Variants in SLC25A13 observed in about 807,000 individuals in gnomAD.
The protein encoded by SLC25A13 is solute carrier family 25 member 13, also known as electrogenic aspartate/glutamate antiporter SLC25A13, mitochondrial.
A neutral mutation model predicts 85.5 loss-of-function variants in SLC25A13; 70 were observed. The ratio of observed to expected loss-of-function variants is 0.82; its 90% CI spans 0.68 to 1.00. The LOEUF (loss-of-function observed/expected upper bound fraction) is 1.00, where lower values mean the gene tolerates loss of function less well. Ranked by LOEUF, SLC25A13 falls within the 50% of genes least tolerant of loss-of-function variation. The pLI is 0.00. For synonymous variants in SLC25A13, 259 were observed against 288.7 expected (o/e 0.90, Z 1.04); for missense variants, 765 against 819.8 (o/e 0.93, Z 0.82).
In SLC25A13 at chr7:96,167,978, T is replaced by C. The variant is rs143232080; in HGVS notation, c.1311+2067A>G. On this transcript the variant is annotated intron_variant, in intron 13 of 17. Transcript: ENST00000265631. ...AGCTGGACATGGTGGTGTGTGCCTG[T>C]AGTCCCAGCTACTCGGGAGGCTGAG... 6.8e-3 allele frequency among the ~76,000 whole-genome samples: 1,037 copies of C among 151,572 alleles called. 7 individuals are homozygous for C. The highest frequency in any genetic ancestry group is 0.012 in the Non-Finnish European group (801 of 67,822).
At chr7:96,311,759 C>A (rs1237048627) in intron 1 of SLC25A13, among the ~76,000 whole-genome samples, 1 of 152,098 alleles carries the variant, frequency 6.6e-6, no homozygotes, top group Non-Finnish European at 1.5e-5. Context: ...ATATATATAT[C>A]TGCCCACCAA....
At chr7:96,202,631 C>G (rs565689471) in intron 5 of SLC25A13, among the ~76,000 whole-genome samples, 1 of 152,206 alleles carries the variant, frequency 6.6e-6, no homozygotes, top group African/African-American at 2.4e-5. Context: ...ACATAAAGTG[C>G]AGAACAAAAT....
intron 15 of SLC25A13, among the ~76,000 whole-genome samples, chr7:96,123,603 TA>T (rs1256426906): frequency 1.3e-5 from 2 of 152,174 alleles, no homozygotes; most frequent in African/African-American, 4.8e-5. Context: ...TGGCGAATGC[TA>T]GAATATGGCA....
chr7:96,316,917 CT>C (rs1305587713), intron 1 of SLC25A13, among the ~76,000 whole-genome samples: 1 of 152,164 alleles, frequency 6.6e-6, no homozygotes, highest in Non-Finnish European at 1.5e-5. Context: ...TGGAGCCAGA[CT>C]GGCAGGATTT....
chr7:96,124,264 T>C (rs926655777), intron 15 of SLC25A13, among the ~76,000 whole-genome samples: 2 of 152,246 alleles, frequency 1.3e-5, no homozygotes, highest in African/African-American at 4.8e-5. Flanking sequence ...AAAGTGCTTT[T>C]CTTTTTATTG....
At chr7:96,196,689 AT>A (rs978410485) in intron 5 of SLC25A13, among the ~76,000 whole-genome samples, 49 of 152,238 alleles carry the variant, frequency 3.2e-4, no homozygotes, top group African/African-American at 8.7e-4. Context: ...GATTGGGGGC[AT>A]TATAAGTTCC....
Position 96,208,868 on chromosome 7 carries a change from C to T in SLC25A13, c.438G>A (p.Leu146=). The change falls in exon 5 of 18, where the codon CTG becomes CTA. Residue 146 remains leucine, a synonymous_variant. Coordinates refer to ENST00000265631, the MANE Select transcript of SLC25A13 (RefSeq NM_014251.3). ...AAAACTGAGTAAATTCCGCATATGT[C>T]AGGTGTCTTTTTCTTTCTTTTCCAA... ...LHFGKERKRH[L]TYAEFTQFLL... 6.2e-7 allele frequency: 1 copy of T among 1,614,070 alleles called. No individual in the cohort carries two copies. Among genetic ancestry groups the T allele is most frequent in the Middle Eastern group, 1.6e-4 (1 of 6,062 alleles).
intron 4 of SLC25A13, among the ~76,000 whole-genome samples, chr7:96,226,027 A>G (rs1402078861): frequency 6.6e-6 from 1 of 151,322 alleles, no homozygotes; most frequent in African/African-American, 2.4e-5. Context: ...TTTTTGGTGG[A>G]AAAAAACACT....
intron 3 of SLC25A13, among the ~76,000 whole-genome samples, chr7:96,276,289 T>C (rs1199563309): frequency 1.3e-5 from 2 of 152,164 alleles, no homozygotes; most frequent in African/African-American, 4.8e-5. Flanking sequence ...GTAAAAGCCA[T>C]TGCAATCTTA....
chr7:96,274,725 A>G (rs1017056042), intron 3 of SLC25A13, among the ~76,000 whole-genome samples: 13 of 152,214 alleles, frequency 8.5e-5, no homozygotes, highest in African/African-American at 3.1e-4. Context: ...CTTTCTACAT[A>G]TGGCTAGCCA....
In SLC25A13 at chr7:96,321,994, A is replaced by C. The variant is rs886954959; in HGVS notation, c.-38T>G. The C allele has an allele frequency of 3.3e-6, 5 of 1,535,350 alleles. No homozygotes were observed. In the East Asian group the frequency reaches 7.7e-5, roughly 24 times the overall value. On this transcript the variant is annotated 5_prime_UTR_variant, in exon 1 of 18. Coordinates refer to ENST00000265631, the MANE Select transcript of SLC25A13 (RefSeq NM_014251.3). ...TTGCGGGCGACTGCGGGACCCACTG[A>C]CTGGCTGGCTGGCGTTTGGGACCCG...
chr7:96,318,349 G>T (rs1376486797), intron 1 of SLC25A13, among the ~76,000 whole-genome samples: 1 of 152,158 alleles, frequency 6.6e-6, no homozygotes, highest in Admixed American at 6.5e-5. Context: ...CGAAGAAAAG[G>T]GTGACCTCTC....
At chr7:96,253,913 C>T (rs1197217716) in intron 3 of SLC25A13, among the ~76,000 whole-genome samples, 8 of 152,130 alleles carry the variant, frequency 5.3e-5, no homozygotes, top group Non-Finnish European at 1.5e-5. Flanking sequence ...TATATGCTTA[C>T]ACTATGCAGC....
At chr7:96,229,030 C>A (rs774240185) in intron 4 of SLC25A13, among the ~76,000 whole-genome samples, 1 of 152,190 alleles carries the variant, frequency 6.6e-6, no homozygotes, top group African/African-American at 2.4e-5. Context: ...GCCTCCCCAA[C>A]GGGTGCCGCC....
At chr7:96,122,713 GA>G (rs1420162387) in intron 15 of SLC25A13, among the ~76,000 whole-genome samples, 26 of 152,182 alleles carry the variant, frequency 1.7e-4, no homozygotes, top group African/African-American at 5.8e-4. Context: ...GATAATCAAT[GA>G]AAAAGGAACA....
intron 5 of SLC25A13, among the ~76,000 whole-genome samples, chr7:96,202,533 C>T (rs1795297784): frequency 1.0e-5 from 1 of 99,138 alleles, no homozygotes. Context: ...AATCAGGCCT[C>T]TCCACAATTC....
intron 4 of SLC25A13, among the ~76,000 whole-genome samples, chr7:96,221,029 T>C (rs1285699802): frequency 6.6e-6 from 1 of 152,206 alleles, no homozygotes; most frequent in African/African-American, 2.4e-5. Context: ...TAGCAAAAAG[T>C]ACAATATTTT....
At chr7:96,233,006 C>T (rs942737165) in intron 4 of SLC25A13, among the ~76,000 whole-genome samples, 3 of 152,226 alleles carry the variant, frequency 2.0e-5, no homozygotes, top group African/African-American at 4.8e-5. Flanking sequence ...AAGTCTCCTA[C>T]GTCTTTCTAG....
chr7:96,290,597 GAA>G (rs756252652), intron 2 of SLC25A13, among the ~76,000 whole-genome samples: 19 of 96,424 alleles, frequency 2.0e-4, no homozygotes, highest in African/African-American at 3.9e-4. Flanking sequence ...CAAGCAAATG[GAA>G]AAAAAAAAAA....
Sources: allele counts gnomAD v4.1 joint callset (sites outside exome capture counted in the v4.1 genomes callset), GRCh38; gene constraint gnomAD v4.1.1; transcripts MANE v1.5; gene names NCBI Gene and HGNC (gene_info 2026-07-23, HGNC 2026-07-21).